The following HEYL variants were observed in gnomAD, a reference collection of about 807,000 sequenced individuals.
The protein encoded by HEYL is hairy/enhancer-of-split related with YRPW motif-like protein.
Under a neutral mutation model 18.6 loss-of-function variants are expected in HEYL, and 12 were observed. The observed-to-expected ratio is 0.65, with a 90% CI of 0.41 to 1.05. The LOEUF (loss-of-function observed/expected upper bound fraction) is 1.05. Ranked by LOEUF, HEYL falls within the 50% of genes least tolerant of loss-of-function variation. HEYL has a pLI of 0.00. For missense variants in HEYL, 420 were observed against 444.7 expected (o/e 0.94, Z 0.50); for synonymous variants, 159 against 179.6 (o/e 0.89, Z 0.91).
Position 39,626,303 on chromosome 1 carries a change from G to A in HEYL, c.*204C>T. ...GAACCAAGCCTCTGAGACCAGAACA[G>A]CTCCAGGAGAGCTGGGTGGATAAGC... On this transcript the variant is annotated 3_prime_UTR_variant, in exon 5 of 5. Coordinates refer to ENST00000372852, the MANE Select transcript of HEYL (RefSeq NM_014571.4). 1.8e-6 allele frequency: 1 copy of A among 568,064 alleles called. No individual in the cohort carries two copies. The highest frequency in any genetic ancestry group is 3.1e-6 in the Non-Finnish European group (1 of 327,322). 35.2% of individuals were successfully genotyped at this position (568,064 alleles called of 1,614,324 possible). A position where few individuals can be genotyped will look rare whatever the true frequency, so the allele number is the denominator to read the frequency against.
chr1:39,636,134 A>G (rs1420200445), intron 1 of HEYL, among the ~76,000 whole-genome samples: 1 of 152,222 alleles, frequency 6.6e-6, no homozygotes, highest in Non-Finnish European at 1.5e-5. Context: ...GTCCCAAATG[A>G]AGGAATCTCA....
At chr1:39,628,886 G>A (rs1223179065) in intron 4 of HEYL, among the ~76,000 whole-genome samples, 1 of 148,182 alleles carries the variant, frequency 6.7e-6, no homozygotes. Context: ...ACAGGCGTGA[G>A]CCACCGCGCC....
Position 39,623,497 on chromosome 1 carries a change from G to A in HEYL, c.*3010C>T, listed in dbSNP as rs1646278430. On this transcript the variant is annotated 3_prime_UTR_variant, in exon 5 of 5. Transcript: ENST00000372852. ...TGGACCAGGCCCTGTGCTCAATGCT[G>A]GGTACAGAGTGGAGACTGAACCAGG... is the stretch of plus-strand genomic sequence containing the variant. Among the ~76,000 whole-genome samples the A allele has an allele frequency of 6.6e-6, 1 of 152,254 alleles. No individual in the cohort carries two copies. The highest frequency in any genetic ancestry group is 1.5e-5 in the Non-Finnish European group (1 of 68,036).
chr1:39,631,555 G>T lies in HEYL; in HGVS notation c.172C>A (p.Arg58Ser), dbSNP rs747706788. Residue 58 changes from arginine to serine, a missense_variant, in exon 3 of 5, where the codon CGC becomes AGC. Coordinates refer to ENST00000372852, the MANE Select transcript of HEYL (RefSeq NM_014571.4). ...AATTCAGAAAGGCTACTGTTGATGCGGTCTCGACGCCGTTTCTCTATGATC... is the reference window on the plus strand; with the variant it reads ...AATTCAGAAAGGCTACTGTTGATGCTGTCTCGACGCCGTTTCTCTATGATC... ...RGIIEKRRRD[R>S]INSSLSELRR... 1 of 1,614,116 alleles carries T rather than the reference G, an allele frequency of 6.2e-7. No individual in the cohort carries two copies. The highest frequency in any genetic ancestry group is 1.1e-5 in the South Asian group (1 of 91,066).
intron 4 of HEYL, 79 bp downstream of exon 4, chr1:39,630,148 G>T: frequency 8.1e-7 from 1 of 1,237,338 alleles, no homozygotes; most frequent in Non-Finnish European, 1.2e-6. Context: ...TGTGGACTTT[G>T]CTCACCAGCA....
At chr1:39,631,178 T>C (rs1307317002) in intron 3 of HEYL, among the ~76,000 whole-genome samples, 4 of 152,242 alleles carry the variant, frequency 2.6e-5, no homozygotes, top group Non-Finnish European at 5.9e-5. Flanking sequence ...TGTGCCCTGC[T>C]ATTTACTAGC....
Position 39,631,888 on chromosome 1 carries a change from G to C in HEYL, c.148-309C>G, listed in dbSNP as rs1646335426. Among the ~76,000 whole-genome samples the C allele has an allele frequency of 2.0e-5, 3 of 152,240 alleles. No individual in the cohort carries two copies. The South Asian group carries it at 6.2e-4, about 32-fold the overall frequency. On this transcript the variant is annotated intron_variant, in intron 2 of 4. Coordinates refer to ENST00000372852, the MANE Select transcript of HEYL (RefSeq NM_014571.4). ...TCACAATGAGGACACCAGCCACGGT[G>C]CTGGAGCAGGCCCTGGAGGCCCGTG...
chr1:39,626,429 G>T lies in HEYL; in HGVS notation c.*78C>A. 1 of 1,324,662 alleles carries T rather than the reference G, an allele frequency of 7.5e-7. No individual in the cohort carries two copies. Among genetic ancestry groups the T allele is most frequent in the Non-Finnish European group, 1.0e-6 (1 of 988,854 alleles). The allele number at this position is 1,324,662 out of a possible 1,614,324, so 82.1% of individuals were successfully genotyped here. A position where few individuals can be genotyped will look rare whatever the true frequency, so the allele number is the denominator to read the frequency against. Reference sequence around the variant, plus strand: ...ATGAGCCAGTCCATGAAGCAAAGCAGAAAAGGCAGTGCCCTTTTTTGGGCT... The same window carrying T: ...ATGAGCCAGTCCATGAAGCAAAGCATAAAAGGCAGTGCCCTTTTTTGGGCT... On this transcript the variant is annotated 3_prime_UTR_variant, in exon 5 of 5. Transcript: ENST00000372852.
At chr1:39,634,976 G>A (rs924370285) in intron 1 of HEYL, among the ~76,000 whole-genome samples, 6 of 152,186 alleles carry the variant, frequency 3.9e-5, no homozygotes, top group East Asian at 1.9e-4. Flanking sequence ...GAATGGGGGC[G>A]TATATGACTT....
chr1:39,639,552 T>G lies in HEYL; in HGVS notation c.74A>C (p.Gln25Pro). The G allele has an allele frequency of 6.3e-7, 1 of 1,582,872 alleles. No homozygotes were observed. The highest frequency in any genetic ancestry group is 8.6e-7 in the Non-Finnish European group (1 of 1,169,050). ...DGPIDVGQEG[Q>P]LSQMARPLST... ...CCCGCATCCCGGCCCTTACCTCAGC[T>G]GGCCCTCTTGGCCCACGTCGATGGG... Residue 25 changes from glutamine (Q) to proline (P), a missense_variant, in exon 1 of 5, where the codon CAG becomes CCG. Gln to Pro is a moderately conservative substitution (Grantham distance 76). Coordinates refer to ENST00000372852, the MANE Select transcript of HEYL (RefSeq NM_014571.4).
rs545021876 is a variant in HEYL, at chr1:39,624,839, A to C, written c.*1668T>G. On this transcript the variant is annotated 3_prime_UTR_variant, in exon 5 of 5. Transcript: ENST00000372852. Reference sequence around the variant, plus strand: ...GTGCTTTCCTCTTTATCTCTCCTTGAGGAGTCTGTCTTTTCAAAAGAGCTT... The same window carrying C: ...GTGCTTTCCTCTTTATCTCTCCTTGCGGAGTCTGTCTTTTCAAAAGAGCTT... 6.6e-6 allele frequency: 1 copy of C among 152,298 alleles called. No individual in the cohort carries two copies. The highest frequency in any genetic ancestry group is 1.9e-4 in the East Asian group (1 of 5,188). 9.4% of individuals were successfully genotyped at this position (152,298 alleles called of 1,614,324 possible).
At chr1:39,636,655 C>T (rs1646363571) in intron 1 of HEYL, among the ~76,000 whole-genome samples, 1 of 151,658 alleles carries the variant, frequency 6.6e-6, no homozygotes, top group African/African-American at 2.4e-5. Flanking sequence ...GCTTTTTGTT[C>T]TATACTGCAC....
intron 3 of HEYL, 41 bp from the exon 4 acceptor site, chr1:39,630,349 C>T (rs922574598): frequency 1.3e-6 from 2 of 1,488,788 alleles, no homozygotes; most frequent in Non-Finnish European, 1.9e-6. Flanking sequence ...CTGCAGCTGA[C>T]CATGTAGCTG....
At chr1:39,631,637 C>CAAAG in intron 2 of HEYL, 58 bp from the exon 3 acceptor site, 2 of 1,387,352 alleles carry the variant, frequency 1.4e-6, no homozygotes, top group Non-Finnish European at 2.1e-6. Flanking sequence ...TCCAAAGTGC[C>CAAAG]TTGATGGTCA....
Position 39,626,912 on chromosome 1 carries a change from G to A in HEYL, c.582C>T (p.Ala194=), listed in dbSNP as rs1346431615. The change falls in exon 5 of 5, where the codon GCC becomes GCT. Residue 194 remains alanine (A), a synonymous_variant. Coordinates refer to ENST00000372852, the MANE Select transcript of HEYL (RefSeq NM_014571.4). Reference sequence around the variant, plus strand: ...CAGGGCTGGGCACTCTTCCCAGGATGGCGAGCTGGTTGCTCAGGGCTGGCA... The same window carrying A: ...CAGGGCTGGGCACTCTTCCCAGGATAGCGAGCTGGTTGCTCAGGGCTGGCA... ...PGLPALSNQL[A]ILGRVPSPVL... The A allele has an allele frequency of 1.2e-6, 2 of 1,610,972 alleles. No individual in the cohort carries two copies. Among genetic ancestry groups the A allele is most frequent in the South Asian group, 2.2e-5 (2 of 90,836 alleles).
At position 39,624,354 on chromosome 1, in the gene HEYL, C is replaced by G. The variant is rs1646284194; in HGVS notation, c.*2153G>C. The G allele has an allele frequency of 6.6e-6, 1 of 152,230 alleles. No homozygotes were observed. The highest frequency in any genetic ancestry group is 1.5e-5 in the Non-Finnish European group (1 of 68,056). 9.4% of individuals were successfully genotyped at this position (152,230 alleles called of 1,614,324 possible). On this transcript the variant is annotated 3_prime_UTR_variant, in exon 5 of 5. Coordinates refer to ENST00000372852, the MANE Select transcript of HEYL (RefSeq NM_014571.4). ...AAGTTCAACCAAGATGCTGAAAGAG[C>G]TGGATCATTCCCATCTCATTTCAGT...
Position 39,624,343 on chromosome 1 carries a change from T to G in HEYL, c.*2164A>C, listed in dbSNP as rs763387335. The stretch of plus-strand genomic sequence containing the variant: ...ACAATGAAAGCAAGTTCAACCAAGA[T>G]GCTGAAAGAGCTGGATCATTCCCAT... On this transcript the variant is annotated 3_prime_UTR_variant, in exon 5 of 5. Coordinates refer to ENST00000372852, the MANE Select transcript of HEYL (RefSeq NM_014571.4). The G allele has an allele frequency of 3.3e-5, 5 of 152,342 alleles. No individual in the cohort carries two copies. The highest frequency in any genetic ancestry group is 4.8e-5 in the African/African-American group (2 of 41,560). 9.4% of individuals were successfully genotyped at this position (152,342 alleles called of 1,614,324 possible).
In HEYL at chr1:39,627,157, C is replaced by A; in HGVS notation, c.337G>T (p.Ala113Ser). The A allele has an allele frequency of 1.2e-6, 2 of 1,612,610 alleles. No homozygotes were observed. The highest frequency in any genetic ancestry group is 1.7e-6 in the Non-Finnish European group (2 of 1,178,826). The change falls in exon 5 of 5, where the codon GCA becomes TCA. Residue 113 changes from alanine to serine, a missense_variant. Coordinates refer to ENST00000372852, the MANE Select transcript of HEYL (RefSeq NM_014571.4). ...AAACCAATGCTCCGGAAGTCAACTG[C>A]CAGGGCTCGGGCATCAAAGAATCCT... ...GTGFFDARAL[A>S]VDFRSIGFRE...
In HEYL at chr1:39,628,747, A is replaced by G. The variant is rs140814758; in HGVS notation, c.313+1480T>C. Among the ~76,000 whole-genome samples the G allele has an allele frequency of 7.5e-3, 1,143 of 151,596 alleles. 12 individuals are homozygous for G. The highest frequency in any genetic ancestry group is 0.025 in the African/African-American group (1,012 of 41,280). On this transcript the variant is annotated intron_variant, in intron 4 of 4. Coordinates refer to ENST00000372852, the MANE Select transcript of HEYL (RefSeq NM_014571.4). ...CGAGTAGCTGGGACTACAGGCGCCCACCACCACACCCGGCTGATTTCTTTT... is the reference window on the plus strand; with the variant it reads ...CGAGTAGCTGGGACTACAGGCGCCCGCCACCACACCCGGCTGATTTCTTTT...
Sources: allele counts gnomAD v4.1 joint callset (sites outside exome capture counted in the v4.1 genomes callset), GRCh38; gene constraint gnomAD v4.1.1; transcripts MANE v1.5; gene names NCBI Gene and HGNC (gene_info 2026-07-23, HGNC 2026-07-21).